Variants in SMAD4 observed in about 807,000 individuals in gnomAD.
The protein encoded by SMAD4 is SMAD family member 4.
SMAD4 carries 7 observed loss-of-function variants against 63.2 expected under a neutral mutation model. The ratio of observed to expected loss-of-function variants is 0.11; its 90% CI spans 0.06 to 0.21. The LOEUF (loss-of-function observed/expected upper bound fraction) is 0.21. Ranked by LOEUF, SMAD4 falls within the 10% of genes least tolerant of loss-of-function variation. The pLI, the probability that SMAD4 is intolerant of heterozygous loss-of-function variation, is 1.00. For missense variants in SMAD4, 312 were observed against 693.8 expected (o/e 0.45, Z 6.18); for synonymous variants, 215 against 235.4 (o/e 0.91, Z 0.79).
At chr18:51,040,687 C>T (rs866622834) in intron 1 of SMAD4, among the ~76,000 whole-genome samples, 12 of 152,194 alleles carry the variant, frequency 7.9e-5, no homozygotes, top group African/African-American at 2.7e-4. Flanking sequence ...ATTTGGCTTT[C>T]TCGTCCATTT....
rs770798845 is a variant in SMAD4, at chr18:51,054,880, C to T, written c.554C>T (p.Pro185Leu). The T allele has an allele frequency of 2.5e-6, 4 of 1,613,904 alleles. No homozygotes were observed. The East Asian group carries it at 8.9e-5, about 36-fold the overall frequency. The stretch of plus-strand genomic sequence containing the variant: ...CATTCAATTCAAACCATCCAGCATC[C>T]ACCAAGTAATCGTGCATCGACAGAG... Reference protein sequence around the residue: ...EGHSIQTIQHPPSNRASTETY... With the variant: ...EGHSIQTIQHLPSNRASTETY... The change falls in exon 5 of 12, where the codon CCA becomes CTA. Residue 185 changes from proline to leucine, a missense_variant. This residue lies in a region of SMAD4 where 169 missense variants were observed against 211.0 expected (regional missense o/e 0.80). Transcript: ENST00000342988.
In SMAD4 at chr18:51,078,696, AAC is replaced by A. The variant is rs1910534378; in HGVS notation, c.*233_*234del. The A allele has an allele frequency of 1.9e-6, 1 of 526,698 alleles. No homozygotes were observed. Among genetic ancestry groups the A allele is most frequent in the Non-Finnish European group, 3.4e-6 (1 of 296,222 alleles). The allele number at this position is 526,698 out of a possible 1,614,324, so 32.6% of individuals were successfully genotyped here. A position where few individuals can be genotyped will look rare whatever the true frequency, so the allele number is the denominator to read the frequency against. On this transcript the variant is annotated 3_prime_UTR_variant, in exon 12 of 12. Transcript: ENST00000342988. ...GGCTCAGAGCTTGAAGATTAGGAGAAACACATTCTTATTAATTCTTCACCTGT... is the reference window on the plus strand; with the variant it reads ...GGCTCAGAGCTTGAAGATTAGGAGAAACATTCTTATTAATTCTTCACCTGT...
intron 11 of SMAD4, chr18:51,077,457 C>CA: frequency 7.1e-6 from 6 of 846,756 alleles, no homozygotes; most frequent in Non-Finnish European, 8.5e-6. Context: ...CTGCAGTGGC[C>CA]CTGCAGGTTT....
At chr18:51,049,224 T>C in intron 3 of SMAD4, 71 bp from the exon 4 acceptor site, 1 of 1,168,996 alleles carries the variant, frequency 8.6e-7, no homozygotes, top group Non-Finnish European at 1.3e-6. Flanking sequence ...TTACATTCTC[T>C]GTTTTTAAAT....
chr18:51,078,380 GAT>G lies in SMAD4; in HGVS notation c.1573_1574del (p.Ile525Ter). Reference protein sequence around the residue: ...RQSIKETPCWIEIHLHRALQL... With the variant: ...RQSIKETPCWXEIHLHRALQL... ...AGAGCATCAAAGAAACACCTTGCTG[GAT>G]TGAAATTCACTTACACCGGGCCCTC... On this transcript the variant is annotated frameshift_variant, in exon 12 of 12. Coordinates refer to ENST00000342988, the MANE Select transcript of SMAD4 (RefSeq NM_005359.6). LOFTEE classifies it high-confidence loss of function. 1 of 1,614,158 alleles carries G rather than the reference GAT, an allele frequency of 6.2e-7. No homozygotes were observed.
At chr18:51,054,392 C>T (rs927672192) in intron 4 of SMAD4, 9 of 255,026 alleles carry the variant, frequency 3.5e-5, no homozygotes, top group East Asian at 2.1e-4. Flanking sequence ...CTATTTAGAC[C>T]GAATAATTGT....
chr18:51,073,286 G>A (rs1193402915), intron 10 of SMAD4, among the ~76,000 whole-genome samples: 1 of 148,412 alleles, frequency 6.7e-6, no homozygotes, highest in Non-Finnish European at 1.5e-5. Flanking sequence ...GTGGGGGTGG[G>A]GGAGTGTTAA....
At chr18:51,042,287 G>GCCTCCCTCCCTCCTTCCCTCCCTC (rs1238189926) in intron 1 of SMAD4, among the ~76,000 whole-genome samples, 1 of 135,250 alleles carries the variant, frequency 7.4e-6, no homozygotes, top group Non-Finnish European at 1.5e-5. Flanking sequence ...TTGCCTGCCT[G>GCCTCCCTCCCTCCTTCCCTCCCTC]CCTCCCTCCC....
chr18:51,083,998 GCGCACGCGCGCGCGCA>G lies in SMAD4; in HGVS notation c.*5533_*5548del. On this transcript the variant is annotated 3_prime_UTR_variant, in exon 12 of 12. Coordinates refer to ENST00000342988, the MANE Select transcript of SMAD4 (RefSeq NM_005359.6). ...GCTGCAATAAACACTTAACGCGCGT[GCGCACGCGCGCGCGCA>G]CACACACACACACACACACACACAC... The G allele has an allele frequency of 8.7e-6, 1 of 114,548 alleles. No individual in the cohort carries two copies. The highest frequency in any genetic ancestry group is 1.6e-5 in the Non-Finnish European group (1 of 61,712). The allele number at this position is 114,548 out of a possible 1,614,324, so 7.1% of individuals were successfully genotyped here. A position where few individuals can be genotyped will look rare whatever the true frequency, so the allele number is the denominator to read the frequency against.
chr18:51,034,006 G>A (rs1364492300), intron 1 of SMAD4, among the ~76,000 whole-genome samples: 1 of 152,180 alleles, frequency 6.6e-6, no homozygotes, highest in Non-Finnish European at 1.5e-5. Context: ...GTTGTAAAGA[G>A]GGTCTGTTAA....
chr18:51,065,427 T>C lies in SMAD4; in HGVS notation c.960T>C (p.Pro320=), dbSNP rs1568208159. 1.2e-6 allele frequency: 2 copies of C among 1,613,020 alleles called. No homozygotes were observed. The highest frequency in any genetic ancestry group is 1.7e-4 in the Middle Eastern group (1 of 6,056). Residue 320 remains proline, a synonymous_variant, in exon 9 of 12, where the codon CCT becomes CCC. Transcript: ENST00000342988. ...FQPPISNHPA[P]EYWCSIAYFE... is the part of the protein sequence containing the mutation. ...TTTCCCATTTATTTCCTATAGCTCC[T>C]GAGTATTGGTGTTCCATTGCTTACT...
At chr18:51,060,621 A>G (rs952002873) in intron 8 of SMAD4, among the ~76,000 whole-genome samples, 1 of 152,104 alleles carries the variant, frequency 6.6e-6, no homozygotes, top group African/African-American at 2.4e-5. Context: ...ATTATGAAGA[A>G]TTATATTTTT....
intron 1 of SMAD4, among the ~76,000 whole-genome samples, chr18:51,032,897 C>G (rs1033553267): frequency 6.6e-6 from 1 of 152,162 alleles, no homozygotes; most frequent in South Asian, 2.1e-4. Flanking sequence ...TTTTGTCCCT[C>G]TCTAGTTCAT....
rs1910524938 is a variant in SMAD4, at chr18:51,078,400, G to T, written c.1592G>T (p.Arg531Leu). ...TGCTGGATTGAAATTCACTTACACC[G>T]GGCCCTCCAGCTCCTAGACGAAGTA... ...TPCWIEIHLH[R>L]ALQLLDEVLH... Residue 531 changes from arginine to leucine, a missense_variant, in exon 12 of 12, where the codon CGG (arginine) becomes CTG (leucine). Coordinates refer to ENST00000342988, the MANE Select transcript of SMAD4 (RefSeq NM_005359.6). The T allele has an allele frequency of 6.2e-7, 1 of 1,614,038 alleles. No individual in the cohort carries two copies. The highest frequency in any genetic ancestry group is 1.3e-5 in the African/African-American group (1 of 74,924).
rs563321159 is a variant in SMAD4 at position 51,078,636 on chromosome 18, A to T, written c.*169A>T. 3 of 598,024 alleles carry T rather than the reference A, an allele frequency of 5.0e-6. No homozygotes were observed. The South Asian group carries it at 7.0e-5, about 14-fold the overall frequency. 37.0% of individuals were successfully genotyped at this position (598,024 alleles called of 1,614,324 possible). On this transcript the variant is annotated 3_prime_UTR_variant, in exon 12 of 12. Coordinates refer to ENST00000342988, the MANE Select transcript of SMAD4 (RefSeq NM_005359.6). ...TAGCAGACAGAAACTGGATTAAAAC[A>T]ATTTTTTTTTTCCTCTTCAGAACTT... is the stretch of plus-strand genomic sequence containing the variant.
At position 51,084,392 on chromosome 18, in the gene SMAD4, T is replaced by A. The variant is rs1910697927; in HGVS notation, c.*5925T>A. On this transcript the variant is annotated 3_prime_UTR_variant, in exon 12 of 12. Transcript: ENST00000342988. ...TGGCTCTTTTTAGGTCCATTTTGAT[T>A]AAGTGACTTTTGGCTGGATCATTCA... The A allele has an allele frequency of 1.3e-5, 3 of 229,854 alleles. No homozygotes were observed. The East Asian group carries it at 1.9e-4, about 14-fold the overall frequency. The allele number at this position is 229,854 out of a possible 1,614,324, so 14.2% of individuals were successfully genotyped here.
At chr18:51,063,842 C>T (rs1910081552) in intron 8 of SMAD4, among the ~76,000 whole-genome samples, 1 of 152,152 alleles carries the variant, frequency 6.6e-6, no homozygotes, top group Non-Finnish European at 1.5e-5. Flanking sequence ...ATCTTTGTGA[C>T]AAGTTCATTA....
chr18:51,077,028 T>C (rs956390861), intron 11 of SMAD4: 5 of 311,702 alleles, frequency 1.6e-5, no homozygotes, highest in South Asian at 1.8e-4. Context: ...TATATTATAC[T>C]GTTCTATCTC....
At chr18:51,077,928 G>A (rs1361729191) in intron 11 of SMAD4, among the ~76,000 whole-genome samples, 1 of 152,128 alleles carries the variant, frequency 6.6e-6, no homozygotes, top group Non-Finnish European at 1.5e-5. Flanking sequence ...CTGTGGACAC[G>A]CACTACCTCT....
Sources: allele counts gnomAD v4.1 joint callset (sites outside exome capture counted in the v4.1 genomes callset), GRCh38; gene constraint gnomAD v4.1.1; regional missense constraint gnomAD v4.1.1; transcripts MANE v1.5; gene names NCBI Gene and HGNC (gene_info 2026-07-23, HGNC 2026-07-21).